The following SLC26A2 variants were observed in gnomAD, a reference collection of about 807,000 sequenced individuals.
The protein encoded by SLC26A2 is sulfate transporter.
SLC26A2 carries 36 observed loss-of-function variants against 41.1 expected under a neutral mutation model. The observed-to-expected ratio is 0.88, with a 90% CI of 0.67 to 1.16. The LOEUF is 1.16. Ranked by LOEUF, SLC26A2 falls within the 50% of genes most tolerant of loss-of-function variation. The pLI is 0.00. For synonymous variants in SLC26A2, 291 were observed against 311.6 expected (o/e 0.93, Z 0.70); for missense variants, 796 against 869.6 (o/e 0.92, Z 1.07).
intron 1 of SLC26A2, among the ~76,000 whole-genome samples, chr5:149,968,726 G>A (rs1473306374): frequency 1.3e-5 from 2 of 150,184 alleles, no homozygotes; most frequent in African/African-American, 2.5e-5. Context: ...GGCCTCAACT[G>A]TCTTTTTTTT....
chr5:149,964,736 C>G (rs532424813), intron 1 of SLC26A2, among the ~76,000 whole-genome samples: 2 of 152,018 alleles, frequency 1.3e-5, no homozygotes, highest in African/African-American at 4.8e-5. Flanking sequence ...AAGATTGTGC[C>G]ACTGCACTCC....
chr5:149,976,088 G>A (rs1754987681), intron 1 of SLC26A2, among the ~76,000 whole-genome samples: 1 of 151,686 alleles, frequency 6.6e-6, no homozygotes, highest in African/African-American at 2.4e-5. Flanking sequence ...AACCCAGGAG[G>A]TGGAGGTTGT....
rs1755030225 is a variant in SLC26A2, at chr5:149,978,200, C to T, written c.548C>T (p.Ala183Val). The T allele has an allele frequency of 6.2e-7, 1 of 1,613,782 alleles. No homozygotes were observed. Among genetic ancestry groups the T allele is most frequent in the East Asian group, 2.2e-5 (1 of 44,880 alleles). ...ACAGTTGACCGAGAACTACAGAAAG[C>T]TGGCTATGACAATGCCCATAGTGCT... ...GETVDRELQKAGYDNAHSAPS... is the reference protein window; with the variant it reads ...GETVDRELQKVGYDNAHSAPS... Residue 183 changes from alanine to valine, a missense_variant, in exon 2 of 3, where the codon GCT becomes GTT. Transcript: ENST00000286298.
intron 1 of SLC26A2, among the ~76,000 whole-genome samples, chr5:149,963,395 C>A (rs1257647785): frequency 6.6e-6 from 1 of 152,060 alleles, no homozygotes; most frequent in Admixed American, 6.6e-5. Flanking sequence ...TCTCCTGCCT[C>A]AGCCTCCTGA....
intron 1 of SLC26A2, among the ~76,000 whole-genome samples, chr5:149,963,767 A>C (rs1424402075): frequency 2.4e-5 from 1 of 42,440 alleles, no homozygotes; most frequent in East Asian, 8.6e-4. Context: ...TTTTTTGTGG[A>C]GACAAGATCT....
rs1227471104 is a variant in SLC26A2 at position 149,986,803 on chromosome 5, TGGA to T, written c.*4992_*4994del. 1 of 152,252 alleles carries T rather than the reference TGGA, an allele frequency of 6.6e-6. No individual in the cohort carries two copies. Among genetic ancestry groups the T allele is most frequent in the African/African-American group, 2.4e-5 (1 of 41,470 alleles). 9.4% of individuals were successfully genotyped at this position (152,252 alleles called of 1,614,324 possible). The stretch of plus-strand genomic sequence containing the variant: ...AACTGAAGCTTTAATCAACTTATTT[TGGA>T]GATGTTCTCTTCCCTTATCTCATGC... On this transcript the variant is annotated 3_prime_UTR_variant, in exon 3 of 3. Transcript: ENST00000286298.
rs1172286860 is a variant in SLC26A2 at position 149,986,224 on chromosome 5, G to T, written c.*4411G>T. ...AAAAAGAAAAAATTAAAAAGAATCA[G>T]TTTTTTTAATTAAAAAAATAGAAAG... On this transcript the variant is annotated 3_prime_UTR_variant, in exon 3 of 3. Coordinates refer to ENST00000286298, the MANE Select transcript of SLC26A2 (RefSeq NM_000112.4). 6.6e-6 allele frequency: 1 copy of T among 151,462 alleles called. No individual in the cohort carries two copies. The highest frequency in any genetic ancestry group is 2.4e-5 in the African/African-American group (1 of 41,162). 9.4% of individuals were successfully genotyped at this position (151,462 alleles called of 1,614,324 possible).
At chr5:149,969,270 C>CA (rs1561814173) in intron 1 of SLC26A2, among the ~76,000 whole-genome samples, 2 of 152,126 alleles carry the variant, frequency 1.3e-5, no homozygotes, top group Admixed American at 1.3e-4. Context: ...AGATAAAGCA[C>CA]ATATTCAACA....
chr5:149,966,827 A>T (rs1754813097), intron 1 of SLC26A2, among the ~76,000 whole-genome samples: 1 of 152,210 alleles, frequency 6.6e-6, no homozygotes, highest in African/African-American at 2.4e-5. Context: ...TTTAAAACTA[A>T]ATATAACTGT....
At chr5:149,978,770 G>A (rs1403595801) in intron 2 of SLC26A2, among the ~76,000 whole-genome samples, 2 of 151,692 alleles carry the variant, frequency 1.3e-5, no homozygotes, top group African/African-American at 4.8e-5. Flanking sequence ...TCACTGCAAC[G>A]TCCGCCTCCC....
At chr5:149,963,260 C>T (rs1754744219) in intron 1 of SLC26A2, among the ~76,000 whole-genome samples, 1 of 151,806 alleles carries the variant, frequency 6.6e-6, no homozygotes, top group African/African-American at 2.4e-5. Context: ...CAGGCACATG[C>T]CACCACGCCT....
At position 149,969,880 on chromosome 5, in the gene SLC26A2, C is replaced by T. The variant is rs181370347; in HGVS notation, c.-25-7748C>T. The stretch of plus-strand genomic sequence containing the variant: ...GTTGGCCTGCAGTGTATTCTCCACT[C>T]TCAGAATACTCTAAACCTTTCTGTT... On this transcript the variant is annotated intron_variant, in intron 1 of 2. Transcript: ENST00000286298. Among the ~76,000 whole-genome samples the T allele has an allele frequency of 2.9e-3, 438 of 152,292 alleles. 3 individuals carry two copies. Among genetic ancestry groups the T allele is most frequent in the African/African-American group, 0.01 (418 of 41,554 alleles).
chr5:149,963,807 C>T (rs184960), intron 1 of SLC26A2, among the ~76,000 whole-genome samples: 31,778 of 135,384 alleles, frequency 0.23, 4,000 homozygotes, highest in South Asian at 0.4. Context: ...GTCTCGAACT[C>T]CTGGCCTCAA....
intron 1 of SLC26A2, among the ~76,000 whole-genome samples, chr5:149,971,951 C>T (rs1024079341): frequency 6.6e-6 from 1 of 152,294 alleles, no homozygotes; most frequent in East Asian, 1.9e-4. Context: ...CCCTCAGGTA[C>T]CTTTGTAAGC....
At chr5:149,977,484 G>C (rs1561818834) in intron 1 of SLC26A2, 144 bp from the exon 2 acceptor site, 1 of 644,852 alleles carries the variant, frequency 1.6e-6, no homozygotes, top group East Asian at 2.7e-5. Flanking sequence ...GACAAATGAG[G>C]CTCAATTAAG....
intron 2 of SLC26A2, 109 bp from the exon 3 acceptor site, chr5:149,980,184 A>C (rs563152094): frequency 2.3e-6 from 2 of 867,826 alleles, no homozygotes; most frequent in South Asian, 2.7e-5. Flanking sequence ...TAGCTCTGAC[A>C]TTCTGTGATG....
rs193056878 is a variant in SLC26A2 at position 149,976,108 on chromosome 5, A to C, written c.-25-1520A>C. 1.6e-4 allele frequency among the ~76,000 whole-genome samples: 24 copies of C among 151,158 alleles called. 1 individual carries two copies. In the East Asian group the frequency reaches 4.7e-3, roughly 30 times the overall value. The stretch of plus-strand genomic sequence containing the variant: ...AGGAGGTGGAGGTTGTAGTGAGCTG[A>C]GATTGCACCACTGCACTCCAGCCTG... On this transcript the variant is annotated intron_variant, in intron 1 of 2. Coordinates refer to ENST00000286298, the MANE Select transcript of SLC26A2 (RefSeq NM_000112.4).
At chr5:149,970,772 A>G (rs779124635) in intron 1 of SLC26A2, among the ~76,000 whole-genome samples, 1 of 152,148 alleles carries the variant, frequency 6.6e-6, no homozygotes, top group Non-Finnish European at 1.5e-5. Context: ...TTGGATTACA[A>G]ATAGTTTGGG....
intron 1 of SLC26A2, among the ~76,000 whole-genome samples, chr5:149,963,776 C>A (rs1430851920): frequency 7.9e-5 from 7 of 88,852 alleles, no homozygotes; most frequent in Non-Finnish European, 1.2e-4. Context: ...GAGACAAGAT[C>A]TTGCTATGTT....
Sources: allele counts gnomAD v4.1 joint callset (sites outside exome capture counted in the v4.1 genomes callset), GRCh38; gene constraint gnomAD v4.1.1; transcripts MANE v1.5; gene names NCBI Gene and HGNC (gene_info 2026-07-23, HGNC 2026-07-21).